The following TXNDC12 variants were observed in gnomAD, a reference collection of about 807,000 sequenced individuals.
TXNDC12 encodes thioredoxin domain-containing protein 12.
A neutral mutation model predicts 24.2 loss-of-function variants in TXNDC12; 22 were observed. The ratio of observed to expected loss-of-function variants is 0.91; its 90% confidence interval spans 0.65 to 1.30. The LOEUF is 1.30. Ranked by LOEUF, TXNDC12 falls within the 50% of genes most tolerant of loss-of-function variation. TXNDC12 has a pLI of 0.00. For synonymous variants in TXNDC12, 58 were observed against 73.4 expected, an observed-to-expected ratio of 0.79 and a Z score of 1.07; for missense variants, 184 against 205.8, an observed-to-expected ratio of 0.89 and a Z score of 0.65.
rs1259411550 is a variant in TXNDC12, at chr1:52,032,737, G to A, written c.159-4107C>T. ...GCTCAAATACTGAAGAAACATGTTG[G>A]CCAGTTGCGGCAAGTTCTCATTGTT... On this transcript the variant is annotated intron_variant, in intron 2 of 6. Transcript: ENST00000371626. 5 of 1,613,386 alleles carry A rather than the reference G, an allele frequency of 3.1e-6. No individual in the cohort carries two copies. In the South Asian group the frequency reaches 5.5e-5, roughly 18 times the overall value.
chr1:52,029,377 C>T (rs1010023627), intron 2 of TXNDC12, among the ~76,000 whole-genome samples: 2 of 152,066 alleles, frequency 1.3e-5, no homozygotes, highest in Non-Finnish European at 2.9e-5. Context: ...GATTTTTCTA[C>T]AATATAATTT....
intron 2 of TXNDC12, among the ~76,000 whole-genome samples, chr1:52,038,932 C>T (rs1685935074): frequency 8.5e-6 from 1 of 118,012 alleles, no homozygotes; most frequent in African/African-American, 3.2e-5. Flanking sequence ...GCAATTGGTC[C>T]TTACGCTGGA....
intron 2 of TXNDC12, chr1:52,032,330 A>AT: frequency 9.8e-7 from 1 of 1,023,334 alleles, no homozygotes; most frequent in South Asian, 4.4e-5. Context: ...TCTGTTCACA[A>AT]TTGTTTTAAA....
chr1:52,024,787 C>T, intron 4 of TXNDC12: 1 of 497,974 alleles, frequency 2.0e-6, no homozygotes, highest in South Asian at 3.4e-5. Flanking sequence ...CTTGCTGTTG[C>T]TGTCATTAAA....
chr1:52,046,865 AAAT>A (rs1269622652), intron 1 of TXNDC12, among the ~76,000 whole-genome samples: 106 of 30,146 alleles, frequency 3.5e-3, no homozygotes, highest in African/African-American at 8.5e-3. Flanking sequence ...AAAAAAAAAA[AAAT>A]ATATATATAT....
Position 52,051,381 on chromosome 1 carries a change from A to T in TXNDC12, c.97+3619T>A, listed in dbSNP as rs3015309. On this transcript the variant is annotated intron_variant, in intron 1 of 6. Transcript: ENST00000371626. Reference sequence around the variant, plus strand: ...ACAATCCAGGCCTCCTAATTTATTTATTTATTTTTTTTGAGACAGAGTATC... The same window carrying T: ...ACAATCCAGGCCTCCTAATTTATTTTTTTATTTTTTTTGAGACAGAGTATC... Among the ~76,000 whole-genome samples the T allele has an allele frequency of 0.011, 1,499 of 141,386 alleles. 67 individuals carry two copies. In the East Asian group the frequency reaches 0.13, roughly 12 times the overall value. 92.8% of individuals were successfully genotyped at this position (141,386 alleles called of 152,430 possible).
chr1:52,030,766 A>G (rs1685739582), intron 2 of TXNDC12, among the ~76,000 whole-genome samples: 2 of 152,176 alleles, frequency 1.3e-5, no homozygotes, highest in Non-Finnish European at 2.9e-5. Flanking sequence ...AATCCAGCCC[A>G]CCGTCTGCTT....
At chr1:52,047,363 G>A (rs556433261) in intron 1 of TXNDC12, among the ~76,000 whole-genome samples, 11 of 152,244 alleles carry the variant, frequency 7.2e-5, no homozygotes, top group African/African-American at 2.6e-4. Context: ...CTAACTGAGA[G>A]CAAGGACTAT....
rs1265018971 is a variant in TXNDC12 at position 52,055,036 on chromosome 1, C to G, written c.61G>C (p.Val21Leu). The G allele has an allele frequency of 1.9e-6, 3 of 1,614,020 alleles. No individual in the cohort carries two copies. The highest frequency in any genetic ancestry group is 2.2e-5 in the South Asian group (2 of 91,070). Reference protein sequence around the residue: ...CLLGFSFLLLVISSDGHNGLG... With the variant: ...CLLGFSFLLLLISSDGHNGLG... ...CCATTATGTCCATCAGAAGAGATGACGAGGAGCAGGAAACTGAAGCCCAGC... is the reference window on the plus strand; with the variant it reads ...CCATTATGTCCATCAGAAGAGATGAGGAGGAGCAGGAAACTGAAGCCCAGC... Residue 21 changes from valine to leucine, a missense_variant, in exon 1 of 7, where the codon GTC becomes CTC. Coordinates refer to ENST00000371626, the MANE Select transcript of TXNDC12 (RefSeq NM_015913.4).
At chr1:52,033,788 C>A in intron 2 of TXNDC12, 1 of 1,540,324 alleles carries the variant, frequency 6.5e-7, no homozygotes, top group South Asian at 1.2e-5. Context: ...CATTGGCAAC[C>A]GCGCTGCGCC....
Position 52,024,505 on chromosome 1 carries a change from C to A in TXNDC12, c.355+5G>T. The A allele has an allele frequency of 6.2e-7, 1 of 1,610,842 alleles. No individual in the cohort carries two copies. Among genetic ancestry groups the A allele is most frequent in the Non-Finnish European group, 8.5e-7 (1 of 1,177,558 alleles). ...GGATTCCCAGGTTAAGATCATGTGC[C>A]TTACCCAGAAAAAGGATTCGTGGAA... On this transcript the variant is annotated splice_donor_5th_base_variant and intron_variant, in intron 5 of 6. Transcript: ENST00000371626.
At chr1:52,055,384 CG>C (rs1277081183), upstream of TXNDC12, 7 of 410,842 alleles carry the variant, frequency 1.7e-5, no homozygotes, top group Non-Finnish European at 3.2e-5. Flanking sequence ...CGGGACGGAG[CG>C]GGAAAATGTA....
upstream of TXNDC12, chr1:52,055,805 C>T (rs1158320670): frequency 6.6e-6 from 1 of 152,278 alleles, no homozygotes; most frequent in East Asian, 1.9e-4. Flanking sequence ...AACTTGGGAC[C>T]TCTTATTGCA....
intron 1 of TXNDC12, among the ~76,000 whole-genome samples, chr1:52,051,130 C>T (rs1346386096): frequency 6.6e-6 from 1 of 152,186 alleles, no homozygotes; most frequent in Non-Finnish European, 1.5e-5. Flanking sequence ...GAAAAATGCA[C>T]ACAACAGCAC....
At chr1:52,021,151 G>T in intron 6 of TXNDC12, 139 bp from the exon 7 acceptor site, 1 of 632,446 alleles carries the variant, frequency 1.6e-6, no homozygotes, top group Non-Finnish European at 2.8e-6. Flanking sequence ...TCTGGATTTT[G>T]GCCCTGGCAA....
chr1:52,028,701 T>C, intron 2 of TXNDC12, 71 bp from the exon 3 acceptor site: 1 of 1,149,384 alleles, frequency 8.7e-7, no homozygotes, highest in Non-Finnish European at 1.3e-6. Context: ...AAGATTAATA[T>C]GTGAAGACAT....
intron 2 of TXNDC12, chr1:52,032,305 G>C (rs1185024385): frequency 2.0e-6 from 2 of 1,006,398 alleles, no homozygotes; most frequent in Non-Finnish European, 2.4e-6. Context: ...ATGTAGAACT[G>C]TACCATCTTC....
Position 52,025,221 on chromosome 1 carries a change from C to CT in TXNDC12, c.286-643dup, listed in dbSNP as rs1229139020. On this transcript the variant is annotated intron_variant, in intron 4 of 6. Transcript: ENST00000371626. The stretch of plus-strand genomic sequence containing the variant: ...ATTAAAAACCTACACAATCAGTTTT[C>CT]TTTTTTTTTTTTTTTGAGACGGAGT... Among the ~76,000 whole-genome samples the CT allele has an allele frequency of 8.5e-3, 1,199 of 141,734 alleles. 5 individuals carry two copies. The highest frequency in any genetic ancestry group is 0.018 in the African/African-American group (683 of 38,906). 93.0% of individuals were successfully genotyped at this position (141,734 alleles called of 152,430 possible). A position where few individuals can be genotyped will look rare whatever the true frequency, so the allele number is the denominator to read the frequency against.
intron 3 of TXNDC12, 89 bp from the exon 4 acceptor site, chr1:52,027,437 G>A: frequency 1.9e-6 from 2 of 1,033,976 alleles, no homozygotes; most frequent in Non-Finnish European, 2.9e-6. Context: ...TTTCTCTTTG[G>A]TAGTTTAGGC....
Sources: gnomAD v4.1 joint callset for allele counts (sites outside exome capture counted in the v4.1 genomes callset) on GRCh38, gnomAD v4.1.1 for gene constraint, MANE v1.5 for transcripts, NCBI Gene and HGNC (gene_info 2026-07-23, HGNC 2026-07-21) for gene names.